GALNT17: variants seen among roughly 807,000 people sequenced by gnomAD.
GALNT17 encodes UDP-GalNAc:polypeptide N-acetylgalactosaminyltransferase-like 3.
A neutral mutation model predicts 63.7 loss-of-function variants in GALNT17; 29 were observed. That is an observed-to-expected ratio of 0.46 (90% CI 0.34 to 0.62). The LOEUF (loss-of-function observed/expected upper bound fraction) is 0.62, where lower values mean the gene tolerates loss of function less well. Among genes scored for constraint, GALNT17 ranks in the 20% least tolerant of loss-of-function variants. The pLI is 0.01. For synonymous variants in GALNT17, 305 were observed against 318.3 expected, an observed-to-expected ratio of 0.96 and a Z score of 0.45; for missense variants, 603 against 799.6, an observed-to-expected ratio of 0.75 and a Z score of 2.97.
chr7:71,380,527 G>T (rs574486650), intron 2 of GALNT17, among the ~76,000 whole-genome samples: 3 of 152,006 alleles, frequency 2.0e-5, no homozygotes, highest in South Asian at 2.1e-4. Context: ...TTGCTTTGTC[G>T]CCCAGGCTGG....
intron 1 of GALNT17, among the ~76,000 whole-genome samples, chr7:71,182,162 C>T (rs570301718): frequency 5.3e-5 from 8 of 151,976 alleles, no homozygotes; most frequent in Admixed American, 2.0e-4. Flanking sequence ...GCATCAAGAG[C>T]GAAACTCCAT....
intron 2 of GALNT17, among the ~76,000 whole-genome samples, chr7:71,347,566 T>C (rs1016733302): frequency 6.6e-6 from 1 of 152,176 alleles, no homozygotes; most frequent in Non-Finnish European, 1.5e-5. Context: ...AAAAGTGATA[T>C]ATCCTTAGCC....
intron 2 of GALNT17, among the ~76,000 whole-genome samples, chr7:71,373,855 A>G (rs546801951): frequency 7.9e-5 from 12 of 152,172 alleles, no homozygotes; most frequent in African/African-American, 1.2e-4. Flanking sequence ...CTGTCTCCCA[A>G]TGATAAAATC....
At chr7:71,506,407 C>A (rs1252776692) in intron 5 of GALNT17, among the ~76,000 whole-genome samples, 6 of 152,024 alleles carry the variant, frequency 3.9e-5, no homozygotes, top group African/African-American at 1.5e-4. Context: ...GCTGGGATTA[C>A]AGGCACCTGC....
At chr7:71,454,402 C>T (rs1307660673) in intron 5 of GALNT17, among the ~76,000 whole-genome samples, 1 of 152,202 alleles carries the variant, frequency 6.6e-6, no homozygotes, top group African/African-American at 2.4e-5. Flanking sequence ...AGGACATGAT[C>T]TGGTTCCTTT....
At chr7:71,388,139 A>G in intron 2 of GALNT17, 96 bp from the exon 3 acceptor site, 1 of 1,353,828 alleles carries the variant, frequency 7.4e-7, no homozygotes, top group Non-Finnish European at 1.0e-6. Context: ...GGACGACTGG[A>G]TGAGGATTCG....
At chr7:71,427,860 A>T (rs953525181) in intron 5 of GALNT17, among the ~76,000 whole-genome samples, 1 of 152,104 alleles carries the variant, frequency 6.6e-6, no homozygotes, top group Non-Finnish European at 1.5e-5. Flanking sequence ...CACAAATCCT[A>T]TTGTGAATTG....
intron 2 of GALNT17, among the ~76,000 whole-genome samples, chr7:71,361,134 C>A (rs769613793): frequency 3.9e-5 from 6 of 152,136 alleles, no homozygotes; most frequent in Non-Finnish European, 8.8e-5. Context: ...CCCAGAATTT[C>A]TGGTATGCAG....
intron 6 of GALNT17, among the ~76,000 whole-genome samples, chr7:71,660,468 T>C (rs1790891469): frequency 6.6e-6 from 1 of 152,196 alleles, no homozygotes; most frequent in African/African-American, 2.4e-5. Context: ...TCTGTGCATT[T>C]CTCTTCATTT....
At chr7:71,566,512 G>A (rs146982916) in intron 5 of GALNT17, among the ~76,000 whole-genome samples, 1 of 152,096 alleles carries the variant, frequency 6.6e-6, no homozygotes, top group Non-Finnish European at 1.5e-5. Flanking sequence ...CTAACGCCGA[G>A]GACATCTCCC....
At chr7:71,291,753 AT>A (rs1415860198) in intron 1 of GALNT17, among the ~76,000 whole-genome samples, 5 of 152,204 alleles carry the variant, frequency 3.3e-5, no homozygotes, top group Admixed American at 3.3e-4. Context: ...ATTTTGAAGC[AT>A]GTAATCATAT....
intron 2 of GALNT17, among the ~76,000 whole-genome samples, chr7:71,345,735 C>G (rs1287636756): frequency 6.6e-6 from 1 of 152,116 alleles, no homozygotes; most frequent in Non-Finnish European, 1.5e-5. Flanking sequence ...ACTCATGGCT[C>G]AATACCCAAC....
At chr7:71,135,132 G>A (rs886971493) in intron 1 of GALNT17, among the ~76,000 whole-genome samples, 2 of 152,074 alleles carry the variant, frequency 1.3e-5, no homozygotes, top group Non-Finnish European at 2.9e-5. Flanking sequence ...GATGACAGGC[G>A]TGAGCCACCA....
chr7:71,369,587 C>T (rs534383265), intron 2 of GALNT17, among the ~76,000 whole-genome samples: 15 of 151,944 alleles, frequency 9.9e-5, no homozygotes, highest in African/African-American at 3.4e-4. Flanking sequence ...CAGAGGTAGG[C>T]GGATCACTTG....
intron 3 of GALNT17, among the ~76,000 whole-genome samples, chr7:71,406,025 G>A (rs1793322247): frequency 1.3e-5 from 2 of 152,166 alleles, no homozygotes; most frequent in Non-Finnish European, 2.9e-5. Context: ...CAGTAAGTAT[G>A]AAGACAAATG....
intron 2 of GALNT17, among the ~76,000 whole-genome samples, chr7:71,387,640 G>T (rs1792970943): frequency 6.6e-6 from 1 of 152,146 alleles, no homozygotes; most frequent in African/African-American, 2.4e-5. Context: ...GTGGTCCCTA[G>T]TTGAGAGATT....
At chr7:71,217,652 A>C (rs1178030020) in intron 1 of GALNT17, among the ~76,000 whole-genome samples, 2 of 152,094 alleles carry the variant, frequency 1.3e-5, no homozygotes, top group East Asian at 3.9e-4. Flanking sequence ...CAGGCTGGGC[A>C]TGGTGGCTCA....
At chr7:71,538,790 G>GGGAGGAAGGGAA (rs1156584096) in intron 5 of GALNT17, among the ~76,000 whole-genome samples, 1 of 151,660 alleles carries the variant, frequency 6.6e-6, no homozygotes, top group Non-Finnish European at 1.5e-5. Context: ...TTCTATTGAA[G>GGGAGGAAGGGAA]GGAGGAAGGG....
intron 1 of GALNT17, among the ~76,000 whole-genome samples, chr7:71,193,119 G>T (rs1437265026): frequency 1.3e-5 from 2 of 150,458 alleles, no homozygotes; most frequent in Non-Finnish European, 3.0e-5. Flanking sequence ...TTATTTTTGA[G>T]ACAGGGTCTT....
Sources: gnomAD v4.1 joint callset for allele counts (sites outside exome capture counted in the v4.1 genomes callset) on GRCh38, gnomAD v4.1.1 for gene constraint, MANE v1.5 for transcripts, NCBI Gene and HGNC (gene_info 2026-07-23, HGNC 2026-07-21) for gene names.